Variants in GLDN observed in about 807,000 individuals in gnomAD.
GLDN encodes the protein collomin.
GLDN carries 47 observed loss-of-function variants against 56.5 expected under a neutral mutation model. The ratio of observed to expected loss-of-function variants is 0.83; its 90% confidence interval spans 0.66 to 1.06. The LOEUF is 1.06. Among genes scored for constraint, GLDN ranks in the 50% least tolerant of loss-of-function variants. GLDN has a pLI of 0.00. For synonymous variants in GLDN, 332 were observed against 278.8 expected, an observed-to-expected ratio of 1.19 and a Z score of -1.90; for missense variants, 782 against 714.3, an observed-to-expected ratio of 1.09 and a Z score of -1.08.
At chr15:51,356,224 T>C (rs1595805465) in intron 1 of GLDN, among the ~76,000 whole-genome samples, 3 of 147,714 alleles carry the variant, frequency 2.0e-5, no homozygotes, top group African/African-American at 7.7e-5. Flanking sequence ...AAAAAAAGAA[T>C]ACCTAACCTC....
rs58874237 is a variant in GLDN at position 51,359,978 on chromosome 15, C to CA, written c.364-17454dup. Among the ~76,000 whole-genome samples, 490 of 92,620 alleles carry CA rather than the reference C, an allele frequency of 5.3e-3. 2 individuals are homozygous for CA. Among genetic ancestry groups the CA allele is most frequent in the Admixed American group, 9.9e-3 (79 of 7,944 alleles). The allele number at this position is 92,620 out of a possible 152,430, so 60.8% of individuals were successfully genotyped here. ...TGGGCGACATTGTGAGACTCTGTCT[C>CA]AAAAAAAAAAAAAAAAAGAAGAAAG... On this transcript the variant is annotated intron_variant, in intron 1 of 9. Coordinates refer to ENST00000335449, the MANE Select transcript of GLDN (RefSeq NM_181789.4).
chr15:51,408,778 G>A (rs1444536468), downstream of GLDN, among the ~76,000 whole-genome samples: 1 of 152,026 alleles, frequency 6.6e-6, no homozygotes, highest in African/African-American at 2.4e-5. Context: ...GAGAACATGC[G>A]GTATTTGGTT....
At chr15:51,365,234 G>A (rs1808141) in intron 1 of GLDN, among the ~76,000 whole-genome samples, 79,641 of 152,002 alleles carry the variant, frequency 0.52, 23,315 homozygotes, top group African/African-American at 0.79. Context: ...TAAAAAATAT[G>A]TTCATTTGTT....
chr15:51,386,237 C>A (rs142753368), intron 4 of GLDN, among the ~76,000 whole-genome samples: 4 of 152,248 alleles, frequency 2.6e-5, no homozygotes, highest in African/African-American at 7.2e-5. Context: ...GTTGAGTCCC[C>A]GAGGCCCCCA....
chr15:51,377,330 G>A (rs1025130305), intron 1 of GLDN, 119 bp from the exon 2 acceptor site: 12 of 752,498 alleles, frequency 1.6e-5, no homozygotes, highest in Admixed American at 4.9e-5. Context: ...TTGAACTTCC[G>A]CGGGTTCTCC....
chr15:51,373,367 A>C (rs1345610054), intron 1 of GLDN, among the ~76,000 whole-genome samples: 6 of 152,196 alleles, frequency 3.9e-5, no homozygotes, highest in Non-Finnish European at 8.8e-5. Flanking sequence ...GCATCCCTCA[A>C]ATACTGTATT....
chr15:51,363,802 G>A (rs1300397374), intron 1 of GLDN, among the ~76,000 whole-genome samples: 2 of 152,332 alleles, frequency 1.3e-5, no homozygotes, highest in African/African-American at 4.8e-5. Flanking sequence ...CACGATACAG[G>A]TAGATGCAAA....
intron 4 of GLDN, among the ~76,000 whole-genome samples, chr15:51,394,025 G>T (rs943566556): frequency 6.6e-6 from 1 of 152,214 alleles, no homozygotes; most frequent in African/African-American, 2.4e-5. Context: ...AATCAGAGGT[G>T]CTTTGCTCTC....
chr15:51,364,703 G>T (rs2037366794), intron 1 of GLDN, among the ~76,000 whole-genome samples: 1 of 152,070 alleles, frequency 6.6e-6, no homozygotes, highest in African/African-American at 2.4e-5. Context: ...TATTGTCTTT[G>T]TCTACTAATT....
chr15:51,363,758 C>T (rs2037349172), intron 1 of GLDN, among the ~76,000 whole-genome samples: 3 of 152,202 alleles, frequency 2.0e-5, no homozygotes, highest in South Asian at 4.1e-4. Flanking sequence ...GAGGGGAATG[C>T]CCTTGAAGAG....
chr15:51,412,845 T>C (rs549397453), downstream of GLDN, among the ~76,000 whole-genome samples: 309 of 152,314 alleles, frequency 2.0e-3, 2 homozygotes, highest in African/African-American at 7.0e-3. Flanking sequence ...TGCTTTTATG[T>C]CATAATAATA....
At chr15:51,348,026 A>C (rs2037008667) in intron 1 of GLDN, among the ~76,000 whole-genome samples, 1 of 152,204 alleles carries the variant, frequency 6.6e-6, no homozygotes, top group Non-Finnish European at 1.5e-5. Context: ...TGGAGGGTAT[A>C]AGGGAGGAAT....
At chr15:51,362,965 A>G (rs1445629359) in intron 1 of GLDN, among the ~76,000 whole-genome samples, 1 of 151,902 alleles carries the variant, frequency 6.6e-6, no homozygotes, top group Non-Finnish European at 1.5e-5. Context: ...AGGGGAAAAA[A>G]ATAGAGGAAT....
chr15:51,396,284 CT>C, intron 5 of GLDN, among the ~76,000 whole-genome samples: 1 of 152,324 alleles, frequency 6.6e-6, no homozygotes, highest in Non-Finnish European at 1.5e-5. Flanking sequence ...TTCCCTAGCT[CT>C]GAGCAGACAT....
downstream of GLDN, among the ~76,000 whole-genome samples, chr15:51,410,751 G>A (rs1158355977): frequency 1.3e-5 from 2 of 152,126 alleles, no homozygotes; most frequent in Admixed American, 1.3e-4. Context: ...ATATGTCCCA[G>A]ATATTGCATG....
chr15:51,357,932 G>A lies in GLDN; in HGVS notation c.363+15885G>A, dbSNP rs529967072. ...CAGACCTGTCCGTGCCCTGTCCCTC[G>A]TACCTGTCCCTAGGGACCTGTCCCT... is the stretch of plus-strand genomic sequence containing the variant. On this transcript the variant is annotated intron_variant, in intron 1 of 9. Coordinates refer to ENST00000335449, the MANE Select transcript of GLDN (RefSeq NM_181789.4). Among the ~76,000 whole-genome samples the A allele has an allele frequency of 4.1e-4, 62 of 152,154 alleles. No homozygotes were observed. In the South Asian group the frequency reaches 7.5e-3, roughly 18 times the overall value.
chr15:51,397,393 C>T (rs1698960791), intron 5 of GLDN, 77 bp from the exon 6 acceptor site: 1 of 386,130 alleles, frequency 2.6e-6, no homozygotes, highest in Non-Finnish European at 4.2e-6. Context: ...TTCTTCTCTC[C>T]CCTTCTCTGT....
chr15:51,372,360 C>T (rs965562222), intron 1 of GLDN, among the ~76,000 whole-genome samples: 14 of 152,220 alleles, frequency 9.2e-5, no homozygotes, highest in African/African-American at 2.9e-4. Context: ...GAAAACAAGT[C>T]GCCATGCAAT....
At chr15:51,399,389 T>C (rs1033226726) in intron 6 of GLDN, among the ~76,000 whole-genome samples, 6 of 152,194 alleles carry the variant, frequency 3.9e-5, no homozygotes, top group Non-Finnish European at 2.9e-5. Context: ...CCATGTCCTG[T>C]CCTCTTCATC....
Sources: allele counts gnomAD v4.1 joint callset (sites outside exome capture counted in the v4.1 genomes callset), GRCh38; gene constraint gnomAD v4.1.1; transcripts MANE v1.5; gene names NCBI Gene and HGNC (gene_info 2026-07-23, HGNC 2026-07-21).